Variants in C13orf42 observed in about 807,000 individuals in gnomAD.
C13orf42 encodes chromosome 13 open reading frame 42.
intron 1 of C13orf42, among the ~76,000 whole-genome samples, chr13:51,142,828 T>C (rs1953706199): frequency 6.6e-6 from 1 of 152,018 alleles, no homozygotes; most frequent in Non-Finnish European, 1.5e-5. Context: ...TATGGTAAAT[T>C]TAGTTCTAAA....
intron 1 of C13orf42, among the ~76,000 whole-genome samples, chr13:51,137,831 T>C (rs1953669161): frequency 6.6e-6 from 1 of 152,242 alleles, no homozygotes; most frequent in Non-Finnish European, 1.5e-5. Context: ...TTTCATGTTC[T>C]GGCATATGTA....
chr13:51,107,353 A>C (rs1457397903), intron 1 of C13orf42, among the ~76,000 whole-genome samples: 4 of 152,256 alleles, frequency 2.6e-5, no homozygotes, highest in African/African-American at 9.6e-5. Flanking sequence ...TTTGGAAAAC[A>C]TCAGAGTGCT....
intron 1 of C13orf42, among the ~76,000 whole-genome samples, chr13:51,147,645 C>T (rs1953747641): frequency 6.6e-6 from 1 of 152,034 alleles, no homozygotes; most frequent in Non-Finnish European, 1.5e-5. Flanking sequence ...TGGAGAATCG[C>T]TTGAACCCGG....
At chr13:51,137,272 AT>A (rs1252669561) in intron 1 of C13orf42, among the ~76,000 whole-genome samples, 1 of 152,214 alleles carries the variant, frequency 6.6e-6, no homozygotes, top group Non-Finnish European at 1.5e-5. Flanking sequence ...ATAACCAAAG[AT>A]GGAGATCATC....
At position 51,160,614 on chromosome 13, in the gene C13orf42, G is replaced by A. The variant is rs147659442; in HGVS notation, n.136+11639C>T. On this transcript the variant is annotated intron_variant and non_coding_transcript_variant, in intron 1 of 4. Transcript: ENST00000433280. ...CAAGCCTCCCTCATTGAAAACAAAT[G>A]AGGAATTGTGAATTTGACTATAAGG... 1.3e-4 allele frequency among the ~76,000 whole-genome samples: 20 copies of A among 152,232 alleles called. No individual in the cohort carries two copies. The East Asian group carries it at 3.9e-3, about 29-fold the overall frequency.
chr13:51,162,160 G>T, intron 1 of C13orf42: 1 of 254,886 alleles, frequency 3.9e-6, no homozygotes, highest in Non-Finnish European at 7.9e-6. Context: ...TCTCACAAAT[G>T]GTATCTGTAT....
intron 1 of C13orf42, among the ~76,000 whole-genome samples, chr13:51,145,886 T>C (rs2408295): frequency 0.62 from 93,754 of 152,034 alleles, 29,208 homozygotes; most frequent in African/African-American, 0.7. Flanking sequence ...TAAAACCAAG[T>C]TGTGCTCTGA....
Position 51,153,621 on chromosome 13 carries a change from G to GTTTTTTTTTTTTTTTTTTTTTTTT in C13orf42, n.136+18631_136+18632insAAAAAAAAAAAAAAAAAAAAAAAA, listed in dbSNP as rs1202370498. The stretch of plus-strand genomic sequence containing the variant: ...TTATCAACCCATTTTCTTGCTTTCT[G>GTTTTTTTTTTTTTTTTTTTTTTTT]TTTTTTTTCTTTTTTTTTTTTTTTT... On this transcript the variant is annotated intron_variant and non_coding_transcript_variant, in intron 1 of 4. Transcript: ENST00000433280. 1.6e-4 allele frequency among the ~76,000 whole-genome samples: 13 copies of GTTTTTTTTTTTTTTTTTTTTTTTT among 82,004 alleles called. 1 individual carries two copies. Among genetic ancestry groups the GTTTTTTTTTTTTTTTTTTTTTTTT allele is most frequent in the South Asian group, 8.1e-4 (2 of 2,464 alleles). The allele number at this position is 82,004 out of a possible 152,430, so 53.8% of individuals were successfully genotyped here.
chr13:51,170,894 A>G (rs1953944376), intron 1 of C13orf42, among the ~76,000 whole-genome samples: 1 of 151,850 alleles, frequency 6.6e-6, no homozygotes, highest in Non-Finnish European at 1.5e-5. Flanking sequence ...CTTCACCCTT[A>G]GTGGCAAGTC....
chr13:51,128,734 G>A (rs1350118625), intron 1 of C13orf42, among the ~76,000 whole-genome samples: 1 of 152,180 alleles, frequency 6.6e-6, no homozygotes, highest in Non-Finnish European at 1.5e-5. Flanking sequence ...ACTCTTTGCT[G>A]ATGTTGTGAT....
At position 51,129,603 on chromosome 13, in the gene C13orf42, T is replaced by C. The variant is rs556466511; in HGVS notation, n.137-16381A>G. On this transcript the variant is annotated intron_variant and non_coding_transcript_variant, in intron 1 of 4. Coordinates refer to the C13orf42 transcript ENST00000433280. ...TTCCCCACCCTGCCACAGACAATGC[T>C]TTTCTCCCTTCCCTTTCCTTTCTTT... 7.9e-5 allele frequency among the ~76,000 whole-genome samples: 12 copies of C among 152,308 alleles called. No homozygotes were observed. In the South Asian group the frequency reaches 1.9e-3, roughly 24 times the overall value.
At chr13:51,169,293 G>A (rs1270204386) in intron 1 of C13orf42, among the ~76,000 whole-genome samples, 1 of 152,212 alleles carries the variant, frequency 6.6e-6, no homozygotes, top group Non-Finnish European at 1.5e-5. Flanking sequence ...GGTCTCAGAT[G>A]GAGATGAGGA....
At position 51,085,337 on chromosome 13, in the gene C13orf42, G is replaced by T; in HGVS notation, c.785C>A (p.Pro262His). Reference protein sequence around the residue: ...EGAFNTWKFKPKACKKDLGSS... With the variant: ...EGAFNTWKFKHKACKKDLGSS... ...CACTTACTCTTTTTTGCAGGCTTTGGGCTTAAATTTCCAGGTGTTGAAGGC... is the reference window on the plus strand; with the variant it reads ...CACTTACTCTTTTTTGCAGGCTTTGTGCTTAAATTTCCAGGTGTTGAAGGC... The change falls in exon 3 of 4, where the codon CCC becomes CAC. Residue 262 changes from proline (P) to histidine (H), a missense_variant. Coordinates refer to ENST00000563710, the MANE Select transcript of C13orf42 (RefSeq NM_001351589.3). 2.5e-6 allele frequency: 1 copy of T among 398,456 alleles called. No homozygotes were observed. Among genetic ancestry groups the T allele is most frequent in the South Asian group, 1.3e-4 (1 of 7,832 alleles). The allele number at this position is 398,456 out of a possible 1,614,324, so 24.7% of individuals were successfully genotyped here. A position where few individuals can be genotyped will look rare whatever the true frequency, so the allele number is the denominator to read the frequency against.
intron 1 of C13orf42, among the ~76,000 whole-genome samples, chr13:51,156,059 G>C (rs1173144299): frequency 6.6e-6 from 1 of 152,162 alleles, no homozygotes; most frequent in African/African-American, 2.4e-5. Flanking sequence ...GAGGATACGG[G>C]TGGCAGGAGA....
intron 1 of C13orf42, among the ~76,000 whole-genome samples, chr13:51,108,977 C>T (rs1244553995): frequency 6.6e-6 from 1 of 152,150 alleles, no homozygotes; most frequent in Non-Finnish European, 1.5e-5. Context: ...AGAGAGAGCT[C>T]CATTTGCAGA....
intron 1 of C13orf42, among the ~76,000 whole-genome samples, chr13:51,147,209 A>G (rs1478452280): frequency 6.9e-6 from 1 of 144,118 alleles, no homozygotes; most frequent in Non-Finnish European, 1.5e-5. Context: ...TTGCTCTCAG[A>G]CCTTGGACTA....
chr13:51,144,088 T>C (rs1953717836), intron 1 of C13orf42, among the ~76,000 whole-genome samples: 1 of 152,170 alleles, frequency 6.6e-6, no homozygotes, highest in Admixed American at 6.5e-5. Flanking sequence ...AATTGTTGTC[T>C]TGTTTTGGTC....
intron 1 of C13orf42, 103 bp downstream of exon 1, chr13:51,110,693 T>C (rs1953418253): frequency 2.5e-6 from 1 of 397,322 alleles, no homozygotes; most frequent in Non-Finnish European, 4.4e-6. Context: ...TCAGAATGTG[T>C]CAGATTAATT....
chr13:51,117,808 A>G (rs1034564727), intron 1 of C13orf42, among the ~76,000 whole-genome samples: 2 of 152,206 alleles, frequency 1.3e-5, no homozygotes, highest in African/African-American at 2.4e-5. Flanking sequence ...CTTGTGTAAC[A>G]GTGCAGAGGA....
Sources: allele counts gnomAD v4.1 joint callset (sites outside exome capture counted in the v4.1 genomes callset), GRCh38; gene constraint gnomAD v4.1.1; transcripts MANE v1.5; gene names NCBI Gene and HGNC (gene_info 2026-07-23, HGNC 2026-07-21).